ZBTB49: variants seen among roughly 807,000 people sequenced by gnomAD.
ZBTB49 encodes zinc finger and BTB domain containing 49.
In ZBTB49, 43 loss-of-function variants were observed where a neutral mutation model predicts 57.5. The ratio of observed to expected loss-of-function variants is 0.75; its 90% CI spans 0.59 to 0.97. ZBTB49 has a LOEUF of 0.97. ZBTB49 is among the 50% of genes least tolerant of loss of function. ZBTB49 has a pLI of 0.00. For missense variants in ZBTB49, 938 were observed against 947.7 expected (o/e 0.99, Z 0.13); for synonymous variants, 369 against 362.1 (o/e 1.02, Z -0.22).
chr4:4,310,746 C>G lies in ZBTB49; in HGVS notation c.1303-2295C>G, dbSNP rs1457723415. Among the ~76,000 whole-genome samples, 6 of 151,132 alleles carry G rather than the reference C, an allele frequency of 4.0e-5. No individual in the cohort carries two copies. In the East Asian group the frequency reaches 1.2e-3, roughly 30 times the overall value. On this transcript the variant is annotated intron_variant, in intron 4 of 7. Coordinates refer to ENST00000337872, the MANE Select transcript of ZBTB49 (RefSeq NM_145291.4). ...ATGTTAGCCAGGATGGTCTCGATCT[C>G]CTGATCTCATGATCCACCTGCCTCA...
chr4:4,291,679 GTTGT>G (rs1005248674), intron 1 of ZBTB49, among the ~76,000 whole-genome samples: 5 of 152,172 alleles, frequency 3.3e-5, no homozygotes, highest in South Asian at 2.1e-4. Context: ...TTTGGTTGTT[GTTGT>G]TTGTTTGTTT....
intron 7 of ZBTB49, 21 bp downstream of exon 7, chr4:4,315,991 G>A: frequency 6.2e-7 from 1 of 1,612,098 alleles, no homozygotes; most frequent in Non-Finnish European, 8.5e-7. Flanking sequence ...GTTTCTGGCT[G>A]TCCCCTAGTC....
chr4:4,313,055 G>T lies in ZBTB49; in HGVS notation c.1317G>T (p.Gln439His). 6.2e-7 allele frequency: 1 copy of T among 1,614,218 alleles called. No homozygotes were observed. Among genetic ancestry groups the T allele is most frequent in the Non-Finnish European group, 8.5e-7 (1 of 1,180,030 alleles). Reference sequence around the variant, plus strand: ...TCTTTTTGCAGGCAGGTAACTTGCAGACTCACTTACGACGGCATTCTGGTG... The same window carrying T: ...TCTTTTTGCAGGCAGGTAACTTGCATACTCACTTACGACGGCATTCTGGTG... ...GKHFSQAGNL[Q>H]THLRRHSGEK... Residue 439 changes from glutamine (Q) to histidine (H), a missense_variant, in exon 5 of 8, where the codon CAG becomes CAT. By Grantham distance (24) the Gln-to-His change is conservative. Transcript: ENST00000337872.
intron 1 of ZBTB49, among the ~76,000 whole-genome samples, chr4:4,291,320 A>G (rs1358263999): frequency 1.3e-5 from 2 of 152,140 alleles, no homozygotes; most frequent in African/African-American, 2.4e-5. Flanking sequence ...GTGTCCTCGC[A>G]TGGTCTTTCC....
At position 4,315,947 on chromosome 4, in the gene ZBTB49, G is replaced by A. The variant is rs750266509; in HGVS notation, c.1598G>A (p.Arg533Gln). 3.1e-6 allele frequency: 5 copies of A among 1,613,966 alleles called. No homozygotes were observed. Among genetic ancestry groups the A allele is most frequent in the Non-Finnish European group, 2.5e-6 (3 of 1,180,012 alleles). The change falls in exon 7 of 8, where the codon CGG becomes CAG. Residue 533 changes from arginine (R) to glutamine (Q), a missense_variant. By Grantham distance (43) the Arg-to-Gln change is conservative (BLOSUM62 1). Transcript: ENST00000337872. ...VKHRIRHTGERPYSCSACGKC... is the reference protein window; with the variant it reads ...VKHRIRHTGEQPYSCSACGKC... Reference sequence around the variant, plus strand: ...CACAGAATTCGGCACACGGGGGAGCGGCCTTACAGCTGCTCTGCCTGCGGT... The same window carrying A: ...CACAGAATTCGGCACACGGGGGAGCAGCCTTACAGCTGCTCTGCCTGCGGT...
chr4:4,307,966 C>T (rs978603869), intron 4 of ZBTB49, among the ~76,000 whole-genome samples: 32 of 152,238 alleles, frequency 2.1e-4, no homozygotes, highest in Admixed American at 1.9e-3. Flanking sequence ...ACCCGACATT[C>T]AGTCAGGCTG....
At position 4,302,615 on chromosome 4, in the gene ZBTB49, G is replaced by A. The variant is rs752159329; in HGVS notation, c.779G>A (p.Ser260Asn). ...TTVESQPCAV[S>N]HSECILESPE... ...GTAGAGAGCCAGCCTTGTGCCGTCA[G>A]TCATTCTGAATGCATCCTGGAGTCT... Residue 260 changes from serine (S) to asparagine (N), a missense_variant, in exon 3 of 8, where the codon AGT becomes AAT. By Grantham distance (46) the Ser-to-Asn change is conservative (BLOSUM62 1). Transcript: ENST00000337872. 1.2e-5 allele frequency: 20 copies of A among 1,613,166 alleles called. No homozygotes were observed. The highest frequency in any genetic ancestry group is 2.2e-5 in the East Asian group (1 of 44,876).
Position 4,313,072 on chromosome 4 carries a change from A to C in ZBTB49, c.1334A>C (p.His445Pro). The change falls in exon 5 of 8, where the codon CAT becomes CCT. Residue 445 changes from histidine to proline, a missense_variant. By Grantham distance (77) the His-to-Pro change is moderately conservative. Transcript: ENST00000337872. ...AGNLQTHLRR[H>P]SGEKPYICEI... Reference sequence around the variant, plus strand: ...AACTTGCAGACTCACTTACGACGGCATTCTGGTGAAAAACCATACATCTGC... The same window carrying C: ...AACTTGCAGACTCACTTACGACGGCCTTCTGGTGAAAAACCATACATCTGC... 1.2e-6 allele frequency: 2 copies of C among 1,614,232 alleles called. No individual in the cohort carries two copies.
chr4:4,292,688 T>C (rs995770132), intron 1 of ZBTB49, among the ~76,000 whole-genome samples: 1 of 152,194 alleles, frequency 6.6e-6, no homozygotes, highest in Non-Finnish European at 1.5e-5. Context: ...GAAAGTATGA[T>C]GATGGGCAGA....
chr4:4,314,214 T>G (rs1721097068), intron 5 of ZBTB49, among the ~76,000 whole-genome samples: 1 of 152,244 alleles, frequency 6.6e-6, no homozygotes, highest in African/African-American at 2.4e-5. Flanking sequence ...CAGGGCCCAG[T>G]GTCATCTGCC....
At chr4:4,314,191 T>C (rs1201813448) in intron 5 of ZBTB49, among the ~76,000 whole-genome samples, 1 of 152,222 alleles carries the variant, frequency 6.6e-6, no homozygotes, top group Non-Finnish European at 1.5e-5. Context: ...ACCTGAACGC[T>C]GAAAGTCAAG....
At chr4:4,294,934 G>A (rs909727743) in intron 1 of ZBTB49, among the ~76,000 whole-genome samples, 7 of 145,500 alleles carry the variant, frequency 4.8e-5, no homozygotes, top group South Asian at 2.2e-4. Flanking sequence ...CTTTTTTCCC[G>A]TGGGCGATAG....
intron 1 of ZBTB49, 147 bp from the exon 2 acceptor site, chr4:4,299,780 T>TGTGG (rs2108874208): frequency 4.2e-6 from 1 of 237,010 alleles, no homozygotes; most frequent in Non-Finnish European, 8.7e-6. Flanking sequence ...AACAGAGGTG[T>TGTGG]GTGTGTGTGT....
rs543326298 is a variant in ZBTB49 at position 4,303,998 on chromosome 4, A to G, written c.1255+907A>G. On this transcript the variant is annotated intron_variant, in intron 3 of 7. Transcript: ENST00000337872. Reference sequence around the variant, plus strand: ...GTTGATGTGACCTTCTGTTATCACTATGGATTCACAGTTTGCATTTTACGA... The same window carrying G: ...GTTGATGTGACCTTCTGTTATCACTGTGGATTCACAGTTTGCATTTTACGA... Among the ~76,000 whole-genome samples the G allele has an allele frequency of 3.9e-5, 6 of 152,180 alleles. No individual in the cohort carries two copies. The East Asian group carries it at 9.6e-4, about 24-fold the overall frequency.
intron 4 of ZBTB49, among the ~76,000 whole-genome samples, chr4:4,309,328 A>C (rs757007717): frequency 1.1e-4 from 16 of 152,182 alleles, no homozygotes; most frequent in Non-Finnish European, 1.8e-4. Flanking sequence ...GAGTCATGTC[A>C]TACTTTAACG....
At chr4:4,299,127 C>A (rs1720354686) in intron 1 of ZBTB49, among the ~76,000 whole-genome samples, 1 of 152,100 alleles carries the variant, frequency 6.6e-6, no homozygotes, top group South Asian at 2.1e-4. Context: ...ATGACCTGAC[C>A]CTCTGTCCCC....
In ZBTB49 at chr4:4,299,996, G is replaced by A; in HGVS notation, c.51G>A (p.Glu17=). The A allele has an allele frequency of 6.2e-7, 1 of 1,614,180 alleles. No individual in the cohort carries two copies. Among genetic ancestry groups the A allele is most frequent in the Non-Finnish European group, 8.5e-7 (1 of 1,180,014 alleles). The change falls in exon 2 of 8, where the codon GAG becomes GAA. Residue 17 remains glutamate, a synonymous_variant. Coordinates refer to ENST00000337872, the MANE Select transcript of ZBTB49 (RefSeq NM_145291.4). The part of the protein sequence containing the change: ...HSCHLLQQLH[E]QRIQGLLCDC... ...GCCATCTGCTCCAGCAACTGCATGA[G>A]CAGCGAATCCAAGGCCTGCTTTGTG...
rs1046747954 is a variant in ZBTB49 at position 4,300,861 on chromosome 4, A to T, written c.152+764A>T. Among the ~76,000 whole-genome samples, 3 of 152,188 alleles carry T rather than the reference A, an allele frequency of 2.0e-5. No homozygotes were observed. The South Asian group carries it at 6.2e-4, about 32-fold the overall frequency. ...TGTTAGCAGGTTTCTCTCTCTTTAA[A>T]TACAAAGTCTTTTTTTTTTAAAGTA... is the stretch of plus-strand genomic sequence containing the variant. On this transcript the variant is annotated intron_variant, in intron 2 of 7. Coordinates refer to ENST00000337872, the MANE Select transcript of ZBTB49 (RefSeq NM_145291.4).
intron 5 of ZBTB49, among the ~76,000 whole-genome samples, chr4:4,313,533 G>A (rs1019637771): frequency 5.9e-5 from 9 of 152,184 alleles, no homozygotes; most frequent in Admixed American, 1.3e-4. Context: ...GCCACAAGCC[G>A]TGGGTCTGTA....
Sources: gnomAD v4.1 joint callset for allele counts (sites outside exome capture counted in the v4.1 genomes callset) on GRCh38, gnomAD v4.1.1 for gene constraint, MANE v1.5 for transcripts, NCBI Gene and HGNC (gene_info 2026-07-23, HGNC 2026-07-21) for gene names.